Variants in ESYT3 observed in about 807,000 individuals in gnomAD.
The protein encoded by ESYT3 is extended synaptotagmin-3.
ESYT3 carries 101 observed loss-of-function variants against 111.5 expected under a neutral mutation model. The ratio of observed to expected loss-of-function variants is 0.91; its 90% confidence interval spans 0.77 to 1.07. ESYT3 has a LOEUF of 1.07. Ranked by LOEUF, ESYT3 falls within the 50% of genes least tolerant of loss-of-function variation. ESYT3 has a pLI of 0.00. For synonymous variants in ESYT3, 416 were observed against 446.8 expected (o/e 0.93, Z 0.87); for missense variants, 1,097 against 1,109.4 (o/e 0.99, Z 0.16).
chr3:138,476,624 C>A, intron 22 of ESYT3, 132 bp downstream of exon 22: 1 of 1,053,210 alleles, frequency 9.5e-7, no homozygotes, highest in East Asian at 2.4e-5. Flanking sequence ...GCTTTACTGC[C>A]TGCAGATCTC....
Position 138,462,091 on chromosome 3 carries a change from TGTCA to T in ESYT3, c.802_805del (p.Ser268ThrfsTer18). ...TGGTCCTGCCTTGTGTCCAGTGATG[TGTCA>T]GACAGCTTACTGGAGGACCTCATTG... On this transcript the variant is annotated frameshift_variant, in exon 8 of 23. Coordinates refer to ENST00000389567, the MANE Select transcript of ESYT3 (RefSeq NM_031913.5). LOFTEE classifies it high-confidence loss of function. 6.2e-7 allele frequency: 1 copy of T among 1,614,080 alleles called. No individual in the cohort carries two copies. Among genetic ancestry groups the T allele is most frequent in the Non-Finnish European group, 8.5e-7 (1 of 1,180,000 alleles).
chr3:138,450,887 G>A lies in ESYT3; in HGVS notation c.328-1161G>A, dbSNP rs143583999. 4.1e-3 allele frequency among the ~76,000 whole-genome samples: 620 copies of A among 152,320 alleles called. 3 individuals are homozygous for A. The highest frequency in any genetic ancestry group is 0.014 in the African/African-American group (591 of 41,570). The stretch of plus-strand genomic sequence containing the variant: ...AGAGGGGGCATGCCTTTTCCCCACC[G>A]TGGGTGGTCCCAGGCCCACTCTGAA... On this transcript the variant is annotated intron_variant, in intron 1 of 22. Coordinates refer to ENST00000389567, the MANE Select transcript of ESYT3 (RefSeq NM_031913.5).
chr3:138,462,737 A>G lies in ESYT3; in HGVS notation c.915+531A>G, dbSNP rs146684581. Among the ~76,000 whole-genome samples the G allele has an allele frequency of 4.4e-3, 663 of 152,252 alleles. 6 individuals are homozygous for G. Among genetic ancestry groups the G allele is most frequent in the Middle Eastern group, 0.041 (12 of 292 alleles). On this transcript the variant is annotated intron_variant, in intron 8 of 22. Transcript: ENST00000389567. ...GAGTGCAGTGGCACAATCACAGCTC[A>G]CTGCAGCCTCCACCTCCTGGGCTCA...
In ESYT3 at chr3:138,448,701, G is replaced by A. The variant is rs574566186; in HGVS notation, c.328-3347G>A. ...TAATGGAAAAATAGATTGATCTGTCGATGTCAAAATGGGAAAGCACTGAGG... is the reference window on the plus strand; with the variant it reads ...TAATGGAAAAATAGATTGATCTGTCAATGTCAAAATGGGAAAGCACTGAGG... On this transcript the variant is annotated intron_variant, in intron 1 of 22. Coordinates refer to ENST00000389567, the MANE Select transcript of ESYT3 (RefSeq NM_031913.5). 1.4e-4 allele frequency among the ~76,000 whole-genome samples: 21 copies of A among 152,294 alleles called. No homozygotes were observed. In the East Asian group the frequency reaches 2.3e-3, roughly 17 times the overall value.
chr3:138,458,366 C>T (rs1397094992), intron 4 of ESYT3, among the ~76,000 whole-genome samples: 6 of 152,188 alleles, frequency 3.9e-5, no homozygotes, highest in Non-Finnish European at 7.3e-5. Flanking sequence ...GCCCCTGGGG[C>T]GCTGCCACAA....
rs2033345265 is a variant in ESYT3, at chr3:138,473,584, G to A, written c.2286G>A (p.Val762=). 1 of 1,613,986 alleles carries A rather than the reference G, an allele frequency of 6.2e-7. No homozygotes were observed. The highest frequency in any genetic ancestry group is 2.2e-5 in the East Asian group (1 of 44,872). The change falls in exon 19 of 23, where the codon GTG becomes GTA. Residue 762 remains valine, a synonymous_variant. Transcript: ENST00000389567. The part of the protein sequence containing the change: ...RRQLGEIQLT[V]RYVCLRRCLS... ...AGCTGGGTGAGATTCAGCTCACAGT[G>A]CGCTATGTGTGTCTGCGGCGCTGCC...
chr3:138,470,280 A>G, intron 16 of ESYT3, 134 bp downstream of exon 16: 2 of 1,378,264 alleles, frequency 1.5e-6, no homozygotes, highest in Non-Finnish European at 9.5e-7. Context: ...AAGAGAGGAC[A>G]CTGAGGCCCC....
intron 3 of ESYT3, 122 bp downstream of exon 3, chr3:138,455,450 C>T: frequency 9.4e-7 from 1 of 1,059,952 alleles, no homozygotes; most frequent in East Asian, 2.6e-5. Context: ...CTGGACCTTA[C>T]AGGGGGACAC....
Position 138,469,347 on chromosome 3 carries a change from C to T in ESYT3, c.1435-89C>T, listed in dbSNP as rs1285766606. The T allele has an allele frequency of 5.1e-6, 6 of 1,173,476 alleles. No homozygotes were observed. The East Asian group carries it at 1.4e-4, about 27-fold the overall frequency. 72.7% of individuals were successfully genotyped at this position (1,173,476 alleles called of 1,614,324 possible). On this transcript the variant is annotated intron_variant, in intron 14 of 22. Transcript: ENST00000389567. ...GAAGTAACTGGGTGGCCCCAGTTCC[C>T]CCAGATGCTCCTGGGGGTTGGGGGT...
downstream of ESYT3, chr3:138,480,634 CTA>C (rs997182301): frequency 2.0e-5 from 3 of 152,160 alleles, no homozygotes; most frequent in African/African-American, 4.8e-5. Context: ...TATAAGAAAA[CTA>C]AAACTTTTTA....
At chr3:138,470,284 A>G (rs2108626814) in intron 16 of ESYT3, 138 bp downstream of exon 16, 1 of 1,366,842 alleles carries the variant, frequency 7.3e-7, no homozygotes. Context: ...GAGGACACTG[A>G]GGCCCCACAA....
chr3:138,434,922 G>C lies in ESYT3; in HGVS notation c.124G>C (p.Val42Leu). Residue 42 changes from valine to leucine, a missense_variant, in exon 1 of 23, where the codon GTG (valine) becomes CTG (leucine). Transcript: ENST00000389567. The part of the protein sequence containing the change: ...LPELCTFVVR[V>L]LFYLGPVYLA... ...CGAGCTCTGTACCTTCGTGGTGCGC[G>C]TGCTGTTCTACCTGGGGCCTGTCTA... The C allele has an allele frequency of 6.4e-7, 1 of 1,551,948 alleles. No homozygotes were observed. Among genetic ancestry groups the C allele is most frequent in the Non-Finnish European group, 8.7e-7 (1 of 1,147,182 alleles).
intron 2 of ESYT3, 35 bp downstream of exon 2, chr3:138,452,124 G>T (rs775321659): frequency 6.2e-7 from 1 of 1,601,444 alleles, no homozygotes; most frequent in Non-Finnish European, 8.5e-7. Flanking sequence ...AGGGCCGGAC[G>T]CATGCCAGCC....
At chr3:138,459,905 G>A in intron 5 of ESYT3, 40 bp from the exon 6 acceptor site, 2 of 1,578,526 alleles carry the variant, frequency 1.3e-6, no homozygotes, top group Non-Finnish European at 1.7e-6. Flanking sequence ...TGGGGAGAAA[G>A]TAGGCCTGGG....
chr3:138,466,904 T>C (rs976266817), intron 10 of ESYT3, among the ~76,000 whole-genome samples: 19 of 152,252 alleles, frequency 1.2e-4, no homozygotes, highest in African/African-American at 4.6e-4. Context: ...CCCGCTTCTT[T>C]TTAACAACCA....
rs1482821952 is a variant in ESYT3 at position 138,478,459 on chromosome 3, C to T, written c.*1605C>T. The T allele has an allele frequency of 3.3e-5, 5 of 152,114 alleles. No individual in the cohort carries two copies. The highest frequency in any genetic ancestry group is 7.4e-5 in the Non-Finnish European group (5 of 68,012). The allele number at this position is 152,114 out of a possible 1,614,324, so 9.4% of individuals were successfully genotyped here. ...GCATTCTAATTGCCCCCTAAATAGA[C>T]AAGTGCCTTGAAAATGGAGAAGCAC... On this transcript the variant is annotated 3_prime_UTR_variant, in exon 23 of 23. Transcript: ENST00000389567.
At chr3:138,438,827 G>T (rs1165539057) in intron 1 of ESYT3, among the ~76,000 whole-genome samples, 2 of 152,232 alleles carry the variant, frequency 1.3e-5, no homozygotes, top group Non-Finnish European at 2.9e-5. Flanking sequence ...CTTACTAGAA[G>T]CCTTGAAGGA....
chr3:138,445,014 G>C (rs941679487), intron 1 of ESYT3, among the ~76,000 whole-genome samples: 2 of 152,168 alleles, frequency 1.3e-5, no homozygotes, highest in Admixed American at 6.5e-5. Context: ...GAACCACCAG[G>C]AGCTTGTTAA....
chr3:138,465,054 G>A (rs569725181), intron 9 of ESYT3, among the ~76,000 whole-genome samples: 3 of 152,342 alleles, frequency 2.0e-5, no homozygotes, highest in South Asian at 4.1e-4. Flanking sequence ...TCACGGAGGG[G>A]CCAGGAGAAT....
Sources: gnomAD v4.1 joint callset for allele counts (sites outside exome capture counted in the v4.1 genomes callset) on GRCh38, gnomAD v4.1.1 for gene constraint, MANE v1.5 for transcripts, NCBI Gene and HGNC (gene_info 2026-07-23, HGNC 2026-07-21) for gene names.